Variants in SHISA6 observed in about 807,000 individuals in gnomAD.
SHISA6 encodes protein shisa-6.
Under a neutral mutation model 47.9 loss-of-function variants are expected in SHISA6, and 22 were observed. That is an observed-to-expected ratio of 0.46 (90% confidence interval 0.33 to 0.66). The LOEUF (loss-of-function observed/expected upper bound fraction) is 0.66, where lower values mean the gene tolerates loss of function less well. Among genes scored for constraint, SHISA6 ranks in the 30% least tolerant of loss-of-function variants. The probability of loss-of-function intolerance (pLI) is 0.02; values close to 1 mark genes in which losing one functional copy is unlikely to be tolerated. For synonymous variants in SHISA6, 388 were observed against 337.8 expected (o/e 1.15, Z -1.63); for missense variants, 680 against 764.6 (o/e 0.89, Z 1.30).
intron 2 of SHISA6, among the ~76,000 whole-genome samples, chr17:11,357,340 A>G (rs1049935216): frequency 6.6e-6 from 1 of 152,040 alleles, no homozygotes; most frequent in African/African-American, 2.4e-5. Flanking sequence ...TTTCTAAGTT[A>G]CCCCTCCCAT....
chr17:11,291,244 C>T (rs959913653), intron 2 of SHISA6, among the ~76,000 whole-genome samples: 24 of 151,340 alleles, frequency 1.6e-4, no homozygotes, highest in Non-Finnish European at 1.9e-4. Flanking sequence ...ATAGAGGATG[C>T]GATCATAAGT....
intron 1 of SHISA6, among the ~76,000 whole-genome samples, chr17:11,250,101 G>T (rs1425584655): frequency 1.3e-5 from 2 of 152,228 alleles, no homozygotes; most frequent in Admixed American, 6.5e-5. Context: ...ATTTCACATG[G>T]AACTGCTCAG....
At chr17:11,399,565 G>A (rs866776367) in intron 3 of SHISA6, among the ~76,000 whole-genome samples, 7 of 152,236 alleles carry the variant, frequency 4.6e-5, no homozygotes, top group Middle Eastern at 3.4e-3. Context: ...GGGATTAGAG[G>A]TGCCTGCCAC....
At chr17:11,536,304 C>G (rs1457351125) in intron 3 of SHISA6, among the ~76,000 whole-genome samples, 1 of 152,062 alleles carries the variant, frequency 6.6e-6, no homozygotes, top group Non-Finnish European at 1.5e-5. Flanking sequence ...CATAGCATTA[C>G]TGGGTAGATG....
chr17:11,486,732 G>A (rs1448915513), intron 3 of SHISA6, among the ~76,000 whole-genome samples: 1 of 152,168 alleles, frequency 6.6e-6, no homozygotes, highest in African/African-American at 2.4e-5. Context: ...TGGGCACTAG[G>A]AATAATCTCA....
In SHISA6 at chr17:11,241,555, CG is replaced by C; in HGVS notation, c.135del (p.Arg46GlyfsTer13). 9.2e-7 allele frequency: 1 copy of C among 1,086,474 alleles called. No homozygotes were observed. The highest frequency in any genetic ancestry group is 1.1e-6 in the Non-Finnish European group (1 of 897,892). The allele number at this position is 1,086,474 out of a possible 1,614,324, so 67.3% of individuals were successfully genotyped here. ...LSAGGAAVGG[R>X]RAGGALARGG... Reference sequence around the variant, plus strand: ...TGCAGGCGGCGCTGCCGTCGGGGGCCGGAGGGCCGGGGGCGCCCTGGCACGG... The same window carrying C: ...TGCAGGCGGCGCTGCCGTCGGGGGCCGAGGGCCGGGGGCGCCCTGGCACGG... On this transcript the variant is annotated frameshift_variant, in exon 1 of 6. Transcript: ENST00000441885. LOFTEE classifies it high-confidence loss of function. The surrounding 1 kb of genome is among the most constrained non-coding windows in gnomAD (Gnocchi z 5.5).
At chr17:11,251,773 T>C (rs937418300) in intron 1 of SHISA6, among the ~76,000 whole-genome samples, 1 of 152,156 alleles carries the variant, frequency 6.6e-6, no homozygotes, top group Admixed American at 6.5e-5. Flanking sequence ...TTCCCTGTGA[T>C]TCTCTGTTTC....
intron 2 of SHISA6, among the ~76,000 whole-genome samples, chr17:11,354,072 C>T (rs1168099680): frequency 6.6e-6 from 1 of 152,136 alleles, no homozygotes; most frequent in African/African-American, 2.4e-5. Flanking sequence ...CTGACCTCCA[C>T]CCAGGGCATC....
chr17:11,326,147 T>C (rs1910881720), intron 2 of SHISA6, among the ~76,000 whole-genome samples: 1 of 152,046 alleles, frequency 6.6e-6, no homozygotes, highest in Admixed American at 6.5e-5. Flanking sequence ...GGCATGCACC[T>C]GTAGTCCCAG....
At chr17:11,553,711 CA>C (rs542390925) in intron 4 of SHISA6, among the ~76,000 whole-genome samples, 1 of 151,510 alleles carries the variant, frequency 6.6e-6, no homozygotes, top group South Asian at 2.1e-4. Context: ...ATGAAGGATT[CA>C]AAAAAAATTG....
intron 2 of SHISA6, among the ~76,000 whole-genome samples, chr17:11,336,304 A>G (rs1253515657): frequency 3.3e-5 from 5 of 152,052 alleles, no homozygotes; most frequent in Non-Finnish European, 4.4e-5. Context: ...CTTTATAGAC[A>G]CTTTTGTCAG....
At chr17:11,524,159 C>G (rs767410844) in intron 3 of SHISA6, among the ~76,000 whole-genome samples, 2 of 152,168 alleles carry the variant, frequency 1.3e-5, no homozygotes, top group Non-Finnish European at 2.9e-5. Context: ...CAAGGTCACA[C>G]TTCTGCCATC....
At chr17:11,357,014 TACA>T (rs961740289) in intron 2 of SHISA6, among the ~76,000 whole-genome samples, 1 of 151,402 alleles carries the variant, frequency 6.6e-6, no homozygotes, top group East Asian at 1.9e-4. Flanking sequence ...GTACTTAAAA[TACA>T]ACAACAACAA....
At chr17:11,522,962 G>C (rs561802134) in intron 3 of SHISA6, among the ~76,000 whole-genome samples, 1 of 152,328 alleles carries the variant, frequency 6.6e-6, no homozygotes, top group South Asian at 2.1e-4. Context: ...TATCTCCAGA[G>C]CTGCTTTTCC....
rs148993874 is a variant in SHISA6, at chr17:11,441,727, C to T, written c.895+62218C>T. Among the ~76,000 whole-genome samples, 162 of 152,246 alleles carry T rather than the reference C, an allele frequency of 1.1e-3. No homozygotes were observed. The Middle Eastern group carries it at 0.031, about 29-fold the overall frequency. On this transcript the variant is annotated intron_variant, in intron 3 of 5. Transcript: ENST00000441885. ...GGCTCATAGTGTTAGACCTTTTTGC[C>T]TGCATTAAGTTGAGGAATATCCAGC...
intron 3 of SHISA6, among the ~76,000 whole-genome samples, chr17:11,471,742 G>A (rs952492754): frequency 2.0e-4 from 31 of 152,178 alleles, no homozygotes; most frequent in Admixed American, 2.0e-3. Flanking sequence ...AAAGTGTAGT[G>A]AGGGGAGCAC....
chr17:11,442,049 G>A (rs2142298108), intron 3 of SHISA6, among the ~76,000 whole-genome samples: 1 of 152,316 alleles, frequency 6.6e-6, no homozygotes, highest in Non-Finnish European at 1.5e-5. Flanking sequence ...GAGCCCTTCT[G>A]TCTTCCATTA....
chr17:11,277,410 A>G (rs559598010), intron 2 of SHISA6, among the ~76,000 whole-genome samples: 5 of 152,242 alleles, frequency 3.3e-5, no homozygotes, highest in Admixed American at 6.5e-5. Flanking sequence ...AAGCAAATCA[A>G]TAATGATGCA....
At chr17:11,443,499 A>G (rs1166193669) in intron 3 of SHISA6, among the ~76,000 whole-genome samples, 1 of 152,224 alleles carries the variant, frequency 6.6e-6, no homozygotes, top group African/African-American at 2.4e-5. Flanking sequence ...GGAGGCTAAG[A>G]TCAGGCAAGA....
Sources: allele counts gnomAD v4.1 joint callset (sites outside exome capture counted in the v4.1 genomes callset), GRCh38; gene constraint gnomAD v4.1.1; non-coding constraint Gnocchi (gnomAD v3.1); transcripts MANE v1.5; gene names NCBI Gene and HGNC (gene_info 2026-07-23, HGNC 2026-07-21).